The following TMEM178B variants were observed in gnomAD, a reference collection of about 807,000 sequenced individuals.
TMEM178B encodes the protein transmembrane protein 178B.
A neutral mutation model predicts 31.0 loss-of-function variants in TMEM178B; 5 were observed. That is an observed-to-expected ratio of 0.16 (90% CI 0.08 to 0.34). TMEM178B has a LOEUF of 0.34. Among genes scored for constraint, TMEM178B ranks in the 10% least tolerant of loss-of-function variants. The pLI, the probability that TMEM178B is intolerant of heterozygous loss-of-function variation, is 1.00. For synonymous variants in TMEM178B, 164 were observed against 164.0 expected, an observed-to-expected ratio of 1.00 and a Z score of 0.00; for missense variants, 275 against 400.3, an observed-to-expected ratio of 0.69 and a Z score of 2.67.
chr7:141,248,126 C>T (rs933615549), intron 2 of TMEM178B, among the ~76,000 whole-genome samples: 41 of 151,890 alleles, frequency 2.7e-4, no homozygotes, highest in Admixed American at 7.2e-4. Flanking sequence ...GATGGGGATA[C>T]GTGGCCGGGC....
chr7:141,167,329 A>G (rs1352409925), intron 1 of TMEM178B, among the ~76,000 whole-genome samples: 11 of 152,214 alleles, frequency 7.2e-5, no homozygotes, highest in Admixed American at 3.3e-4. Flanking sequence ...GTCTCTCTGT[A>G]TGACTGCAAG....
At chr7:141,328,424 G>T (rs1799236126) in intron 2 of TMEM178B, among the ~76,000 whole-genome samples, 1 of 152,152 alleles carries the variant, frequency 6.6e-6, no homozygotes, top group African/African-American at 2.4e-5. Flanking sequence ...ACTCAGGGAG[G>T]GAGTTCCAAG....
intron 2 of TMEM178B, among the ~76,000 whole-genome samples, chr7:141,377,327 G>A (rs1015195442): frequency 1.3e-5 from 2 of 151,906 alleles, no homozygotes; most frequent in Admixed American, 6.5e-5. Context: ...GGGATTACAG[G>A]CGCTTACCAC....
At chr7:141,456,442 C>G (rs979525209) in intron 3 of TMEM178B, among the ~76,000 whole-genome samples, 26 of 152,190 alleles carry the variant, frequency 1.7e-4, no homozygotes, top group African/African-American at 6.0e-4. Context: ...GAAGCTGGTA[C>G]AGGCTGTCCT....
At chr7:141,377,919 G>A (rs956582768) in intron 2 of TMEM178B, among the ~76,000 whole-genome samples, 1 of 152,074 alleles carries the variant, frequency 6.6e-6, no homozygotes, top group Non-Finnish European at 1.5e-5. Context: ...CAATACATTT[G>A]TCAAACTAAG....
chr7:141,175,418 C>T (rs906255648), intron 1 of TMEM178B, among the ~76,000 whole-genome samples: 3 of 151,966 alleles, frequency 2.0e-5, no homozygotes, highest in African/African-American at 7.2e-5. Context: ...TTTGTTCTTT[C>T]TGCTTAGGAT....
At chr7:141,139,805 G>C (rs1586791284) in intron 1 of TMEM178B, among the ~76,000 whole-genome samples, 1 of 149,476 alleles carries the variant, frequency 6.7e-6, no homozygotes, top group African/African-American at 2.5e-5. Flanking sequence ...CACTCTTGTT[G>C]TCTAGGTTGG....
At chr7:141,410,166 C>T (rs899360010) in intron 2 of TMEM178B, among the ~76,000 whole-genome samples, 16 of 152,166 alleles carry the variant, frequency 1.1e-4, no homozygotes, top group African/African-American at 1.9e-4. Flanking sequence ...GTTTCTATTC[C>T]GAGCACTTTG....
chr7:141,438,305 G>A (rs1284861583), intron 3 of TMEM178B, among the ~76,000 whole-genome samples: 3 of 152,084 alleles, frequency 2.0e-5, no homozygotes, highest in African/African-American at 7.2e-5. Context: ...GACCACTCCA[G>A]TGTCCCTCTA....
At chr7:141,257,896 A>G (rs1586854581) in intron 2 of TMEM178B, among the ~76,000 whole-genome samples, 1 of 151,714 alleles carries the variant, frequency 6.6e-6, no homozygotes, top group Non-Finnish European at 1.5e-5. Context: ...ATGGTCTCCT[A>G]TCATTTTTGT....
intron 2 of TMEM178B, chr7:141,297,179 G>A (rs1051504330): frequency 6.6e-6 from 1 of 152,190 alleles, no homozygotes; most frequent in East Asian, 1.9e-4. Context: ...TGACCTGAGA[G>A]GTTAAGGATA....
chr7:141,437,933 G>T (rs562852401), intron 3 of TMEM178B, among the ~76,000 whole-genome samples, 188 bp downstream of exon 3: 17 of 152,278 alleles, frequency 1.1e-4, no homozygotes, highest in African/African-American at 4.1e-4. Context: ...AGCTGTTGGG[G>T]ATACAAAGGA....
intron 2 of TMEM178B, among the ~76,000 whole-genome samples, chr7:141,322,816 T>C (rs926439254): frequency 3.3e-5 from 5 of 152,096 alleles, no homozygotes; most frequent in Admixed American, 2.0e-4. Context: ...AGCACAGGCT[T>C]TCTTGTGAGG....
At chr7:141,492,929 T>G in the TMEM178B span, among the ~76,000 whole-genome samples, 4 of 152,048 alleles carry the variant, frequency 2.6e-5, no homozygotes, top group African/African-American at 9.7e-5. Flanking sequence ...CAACAAAGAG[T>G]CTGGTGATCT....
At chr7:141,170,684 G>A (rs1671505337) in intron 1 of TMEM178B, among the ~76,000 whole-genome samples, 1 of 152,180 alleles carries the variant, frequency 6.6e-6, no homozygotes, top group Non-Finnish European at 1.5e-5. Flanking sequence ...CAGCTGACAA[G>A]GACTGTGTGC....
chr7:141,291,621 A>AC (rs1383193064), intron 2 of TMEM178B, among the ~76,000 whole-genome samples: 1 of 152,132 alleles, frequency 6.6e-6, no homozygotes, highest in African/African-American at 2.4e-5. Flanking sequence ...AGAGGTGAGA[A>AC]CACCTTACTC....
chr7:141,379,202 C>T (rs572035866), intron 2 of TMEM178B, among the ~76,000 whole-genome samples: 1 of 151,962 alleles, frequency 6.6e-6, no homozygotes, highest in African/African-American at 2.4e-5. Context: ...CACAATGGCT[C>T]ATGCCTGTAA....
At chr7:141,155,951 A>G (rs1015986489) in intron 1 of TMEM178B, among the ~76,000 whole-genome samples, 1 of 152,076 alleles carries the variant, frequency 6.6e-6, no homozygotes, top group African/African-American at 2.4e-5. Flanking sequence ...TGTAATCTCA[A>G]CTACTTGAGA....
At chr7:141,431,735 C>T (rs544744388) in intron 2 of TMEM178B, among the ~76,000 whole-genome samples, 353 of 152,256 alleles carry the variant, frequency 2.3e-3, no homozygotes, top group Non-Finnish European at 4.0e-3. Flanking sequence ...GGGTTTCCTC[C>T]TTGTTCTTTT....
Sources: allele counts gnomAD v4.1 joint callset (sites outside exome capture counted in the v4.1 genomes callset), GRCh38; gene constraint gnomAD v4.1.1; transcripts MANE v1.5; gene names NCBI Gene and HGNC (gene_info 2026-07-23, HGNC 2026-07-21).